PHF14: variants seen among roughly 807,000 people sequenced by gnomAD.
PHF14 encodes the protein PHD finger protein 14.
A neutral mutation model predicts 117.9 loss-of-function variants in PHF14; 55 were observed. The ratio of observed to expected loss-of-function variants is 0.47; its 90% CI spans 0.38 to 0.58. PHF14 has a LOEUF of 0.58. PHF14 is among the 20% of genes least tolerant of loss of function. The pLI is 0.00. For synonymous variants in PHF14, 409 were observed against 368.6 expected (o/e 1.11, Z -1.26); for missense variants, 978 against 1,122.2 (o/e 0.87, Z 1.84).
At chr7:10,976,823 C>T (rs761817605) in intron 2 of PHF14, among the ~76,000 whole-genome samples, 32 of 149,584 alleles carry the variant, frequency 2.1e-4, no homozygotes, top group Non-Finnish European at 4.3e-4. Context: ...TCTGTTCCCT[C>T]TTGTAATATA....
At position 11,103,985 on chromosome 7, in the gene PHF14, A is replaced by G. The variant is rs1207548580; in HGVS notation, c.2655-7365A>G. 2.2e-5 allele frequency: 22 copies of G among 984,968 alleles called. No individual in the cohort carries two copies. In the East Asian group the frequency reaches 2.2e-3, roughly 97 times the overall value. The allele number at this position is 984,968 out of a possible 1,614,324, so 61.0% of individuals were successfully genotyped here. A position where few individuals can be genotyped will look rare whatever the true frequency, so the allele number is the denominator to read the frequency against. On this transcript the variant is annotated intron_variant, in intron 16 of 17. Coordinates refer to ENST00000634607, the MANE Select transcript of PHF14 (RefSeq NM_001007157.2). ...GCTTAAGGAAATGTTGGTAATTATT[A>G]CTGTTGCTGAACTCTGGCTGCTTTT... is the stretch of plus-strand genomic sequence containing the variant.
chr7:11,009,775 A>C (rs1367897525), intron 4 of PHF14, among the ~76,000 whole-genome samples: 1 of 152,224 alleles, frequency 6.6e-6, no homozygotes, highest in Non-Finnish European at 1.5e-5. Context: ...GGGACAGTGA[A>C]GCTGAAGAAA....
chr7:11,146,614 T>C (rs1788553654), intron 17 of PHF14, among the ~76,000 whole-genome samples: 1 of 152,190 alleles, frequency 6.6e-6, no homozygotes. Context: ...TGAGTATCTA[T>C]CTATGGTTGG....
At chr7:11,123,578 G>C (rs146029004) in intron 17 of PHF14, among the ~76,000 whole-genome samples, 2,150 of 152,114 alleles carry the variant, frequency 0.014, 46 homozygotes, top group African/African-American at 0.049. Context: ...TCAGGAGTTC[G>C]AGACCAGCCT....
At chr7:11,022,824 T>C in intron 5 of PHF14, 44 bp from the exon 6 acceptor site, 1 of 1,154,538 alleles carries the variant, frequency 8.7e-7, no homozygotes, top group African/African-American at 1.5e-5. Context: ...GTGTGGGAAT[T>C]TTATTAAAAG....
At chr7:11,101,940 T>C (rs1479935705) in intron 16 of PHF14, among the ~76,000 whole-genome samples, 1 of 151,792 alleles carries the variant, frequency 6.6e-6, no homozygotes, top group Non-Finnish European at 1.5e-5. Context: ...ATATTTCTAA[T>C]ATAGTCTTTT....
rs1438053026 is a variant in PHF14, at chr7:11,066,027, CTTTA to C, written c.2654+3946_2654+3949del. Among the ~76,000 whole-genome samples, 4 of 152,250 alleles carry C rather than the reference CTTTA, an allele frequency of 2.6e-5. No homozygotes were observed. The East Asian group carries it at 5.8e-4, about 22-fold the overall frequency. ...TATCAAATGCTTGCCAGATTCTCCCCTTTATTTGAGTATATGGCAAATTACATAG... is the reference window on the plus strand; with the variant it reads ...TATCAAATGCTTGCCAGATTCTCCCCTTTGAGTATATGGCAAATTACATAG... On this transcript the variant is annotated intron_variant, in intron 16 of 17. Transcript: ENST00000634607.
intron 7 of PHF14, among the ~76,000 whole-genome samples, chr7:11,033,283 T>C (rs1355955323): frequency 6.6e-6 from 1 of 152,216 alleles, no homozygotes; most frequent in African/African-American, 2.4e-5. Flanking sequence ...TCCAGGCGGA[T>C]TGGATACTGA....
rs369297521 is a variant in PHF14, at chr7:11,035,615, A to C, written c.1456-25A>C. ...ACTCTTGGGAGTACAAATGTTCACT[A>C]TTTTTCTGTGCTTTCTTTGTATAGG... On this transcript the variant is annotated intron_variant, in intron 7 of 17. Coordinates refer to ENST00000634607, the MANE Select transcript of PHF14 (RefSeq NM_001007157.2). 4 of 1,514,300 alleles carry C rather than the reference A, an allele frequency of 2.6e-6. No homozygotes were observed. In the Admixed American group the frequency reaches 5.8e-5, roughly 22 times the overall value. The allele number at this position is 1,514,300 out of a possible 1,614,324, so 93.8% of individuals were successfully genotyped here.
At chr7:11,019,387 C>T (rs147377281) in intron 5 of PHF14, among the ~76,000 whole-genome samples, 11 of 152,126 alleles carry the variant, frequency 7.2e-5, no homozygotes, top group African/African-American at 2.2e-4. Flanking sequence ...TTTTCTTTAC[C>T]GGGAGACTTT....
chr7:11,066,043 G>C (rs190343363), intron 16 of PHF14, among the ~76,000 whole-genome samples: 420 of 152,158 alleles, frequency 2.8e-3, no homozygotes, highest in African/African-American at 9.7e-3. Flanking sequence ...TTGAGTATAT[G>C]GCAAATTACA....
intron 4 of PHF14, among the ~76,000 whole-genome samples, chr7:11,005,425 G>A (rs220091): frequency 0.64 from 96,985 of 152,104 alleles, 31,559 homozygotes; most frequent in Middle Eastern, 0.72. Context: ...CATTGTCCAA[G>A]TTTGACCAGT....
intron 4 of PHF14, among the ~76,000 whole-genome samples, chr7:11,007,702 T>C (rs940074799): frequency 1.3e-5 from 2 of 152,178 alleles, no homozygotes; most frequent in Non-Finnish European, 2.9e-5. Flanking sequence ...GTGGAAAATA[T>C]AGAACAGAGA....
At chr7:10,997,943 G>A (rs1025377267) in intron 4 of PHF14, among the ~76,000 whole-genome samples, 1 of 152,216 alleles carries the variant, frequency 6.6e-6, no homozygotes, top group Non-Finnish European at 1.5e-5. Context: ...GGCATTCTAA[G>A]AGTGTAAATA....
intron 16 of PHF14, among the ~76,000 whole-genome samples, chr7:11,081,583 G>T (rs1318447716): frequency 6.6e-6 from 1 of 152,086 alleles, no homozygotes; most frequent in East Asian, 1.9e-4. Flanking sequence ...AAGATTTATC[G>T]TGGTGACCCA....
chr7:11,119,040 A>C (rs1433506519), intron 17 of PHF14, among the ~76,000 whole-genome samples: 1 of 151,864 alleles, frequency 6.6e-6, no homozygotes, highest in Non-Finnish European at 1.5e-5. Context: ...GCTTACTACA[A>C]ACTTGAAAAA....
intron 4 of PHF14, among the ~76,000 whole-genome samples, chr7:10,991,759 A>AT (rs71023881): frequency 0.77 from 85,931 of 111,056 alleles, 34,099 homozygotes; most frequent in African/African-American, 0.78. Flanking sequence ...TAATTTTTTA[A>AT]TTTTTTTTTT....
intron 14 of PHF14, among the ~76,000 whole-genome samples, chr7:11,059,369 G>A (rs2128328840): frequency 6.6e-6 from 1 of 152,320 alleles, no homozygotes; most frequent in South Asian, 2.1e-4. Context: ...GAAGAAAAAT[G>A]TGAAAATGTA....
At chr7:11,013,659 A>G (rs1426534358) in intron 4 of PHF14, 88 bp from the exon 5 acceptor site, 4 of 645,204 alleles carry the variant, frequency 6.2e-6, no homozygotes, top group Non-Finnish European at 7.6e-6. Flanking sequence ...CTTTTTCCTC[A>G]TCTCTTTGCT....
Sources: allele counts gnomAD v4.1 joint callset (sites outside exome capture counted in the v4.1 genomes callset), GRCh38; gene constraint gnomAD v4.1.1; transcripts MANE v1.5; gene names NCBI Gene and HGNC (gene_info 2026-07-23, HGNC 2026-07-21).